Variants in IGSF10 observed in about 807,000 individuals in gnomAD.
IGSF10 encodes calvaria mechanical force protein 608.
IGSF10 carries 126 observed loss-of-function variants against 128.2 expected under a neutral mutation model. That is an observed-to-expected ratio of 0.98 (90% confidence interval 0.85 to 1.14). The LOEUF is 1.14. Among genes scored for constraint, IGSF10 ranks in the 50% most tolerant of loss-of-function variants. The probability of loss-of-function intolerance (pLI) is 0.00; values close to 1 mark genes in which losing one functional copy is unlikely to be tolerated. For missense variants in IGSF10, 3,295 were observed against 3,149.8 expected (o/e 1.05, Z -1.10); for synonymous variants, 1,185 against 1,146.2 (o/e 1.03, Z -0.68).
Position 151,438,108 on chromosome 3 carries a change from CTTG to C in IGSF10, c.6450_6452del (p.Asn2150del). On this transcript the variant is annotated inframe_deletion, in exon 8 of 8. Coordinates refer to ENST00000282466, the MANE Select transcript of IGSF10 (RefSeq NM_178822.5). ...CAGCTGTGTCTCCAGCTTTGATTCT[CTTG>C]TTGGTTTTGTTACTCTGCCTTATCC... is the stretch of plus-strand genomic sequence containing the variant. The C allele has an allele frequency of 6.2e-7, 1 of 1,614,182 alleles. No homozygotes were observed. Among genetic ancestry groups the C allele is most frequent in the Non-Finnish European group, 8.5e-7 (1 of 1,180,016 alleles).
At chr3:151,509,194 G>C in the IGSF10 span, among the ~76,000 whole-genome samples, 1 of 152,082 alleles carries the variant, frequency 6.6e-6, no homozygotes, top group African/African-American at 2.4e-5. Context: ...AAGACTGACA[G>C]GTTTATTAAA....
At chr3:151,581,851 G>A in the IGSF10 span, among the ~76,000 whole-genome samples, 7 of 152,196 alleles carry the variant, frequency 4.6e-5, no homozygotes, top group East Asian at 3.9e-4. Context: ...TGGGCGGATC[G>A]CTTGAGGCCA....
At chr3:151,615,771 G>T in the IGSF10 span, among the ~76,000 whole-genome samples, 1 of 152,076 alleles carries the variant, frequency 6.6e-6, no homozygotes, top group African/African-American at 2.4e-5. Context: ...TACAAAGGTC[G>T]AGAAGAATCC....
At chr3:151,597,212 T>G in the IGSF10 span, among the ~76,000 whole-genome samples, 1 of 152,204 alleles carries the variant, frequency 6.6e-6, no homozygotes, top group Non-Finnish European at 1.5e-5. Context: ...TGTGTAGGTG[T>G]TGTGGACACA....
Position 151,437,241 on chromosome 3 carries a change from C to A in IGSF10, c.7320G>T (p.Gly2440=), listed in dbSNP as rs757033637. 6.8e-6 allele frequency: 11 copies of A among 1,614,100 alleles called. No individual in the cohort carries two copies. In the East Asian group the frequency reaches 1.3e-4, roughly 20 times the overall value. ...QKPVILTYAP[G]TVKGISGESL... The stretch of plus-strand genomic sequence containing the variant: ...ATTCTCCACTGATGCCTTTTACTGT[C>A]CCTGGTGCATAGGTAAGAATAACTG... The change falls in exon 8 of 8, where the codon GGG becomes GGT. Residue 2440 remains glycine, a synonymous_variant. Transcript: ENST00000282466.
the IGSF10 span, among the ~76,000 whole-genome samples, chr3:151,472,803 C>A: frequency 2.6e-5 from 4 of 152,264 alleles, no homozygotes; most frequent in East Asian, 7.7e-4. Flanking sequence ...CAGACCCTCC[C>A]CATGGTTTAG....
chr3:151,506,372 CAGT>C, the IGSF10 span, among the ~76,000 whole-genome samples: 1 of 152,156 alleles, frequency 6.6e-6, no homozygotes, highest in Non-Finnish European at 1.5e-5. Context: ...AGCTAAAAAA[CAGT>C]AGGTAAGTTA....
chr3:151,499,343 A>T, the IGSF10 span, among the ~76,000 whole-genome samples: 5 of 152,194 alleles, frequency 3.3e-5, no homozygotes, highest in African/African-American at 1.2e-4. Flanking sequence ...TCAGTTTGGC[A>T]TTGGCAGGGA....
At chr3:151,515,362 G>C in the IGSF10 span, among the ~76,000 whole-genome samples, 1 of 149,660 alleles carries the variant, frequency 6.7e-6, no homozygotes, top group African/African-American at 2.5e-5. Flanking sequence ...GCAAACTATC[G>C]CAAGGACAGA....
chr3:151,519,025 A>G, the IGSF10 span, among the ~76,000 whole-genome samples: 1 of 151,950 alleles, frequency 6.6e-6, no homozygotes. Context: ...AACTAGCAGA[A>G]TACTTAAAAA....
upstream of IGSF10, among the ~76,000 whole-genome samples, chr3:151,465,584 A>G (rs1256435806): frequency 3.3e-5 from 5 of 152,218 alleles, no homozygotes; most frequent in Non-Finnish European, 7.3e-5. Context: ...TTACTTTACT[A>G]TATAACATAT....
At chr3:151,541,224 A>G in the IGSF10 span, among the ~76,000 whole-genome samples, 1 of 152,208 alleles carries the variant, frequency 6.6e-6, no homozygotes, top group South Asian at 2.1e-4. Flanking sequence ...TTGACTGTCC[A>G]CAGTTATCTA....
At chr3:151,589,905 T>C in the IGSF10 span, among the ~76,000 whole-genome samples, 1 of 152,226 alleles carries the variant, frequency 6.6e-6, no homozygotes, top group Non-Finnish European at 1.5e-5. Context: ...GATGTGTTTT[T>C]TAGAATGTCT....
At chr3:151,473,319 A>G in the IGSF10 span, among the ~76,000 whole-genome samples, 24 of 152,340 alleles carry the variant, frequency 1.6e-4, no homozygotes, top group African/African-American at 5.8e-4. Flanking sequence ...GTTCCCAGTG[A>G]GAATCACCCT....
At position 151,446,965 on chromosome 3, in the gene IGSF10, G is replaced by A; in HGVS notation, c.3016C>T (p.Leu1006=). 5 of 1,614,200 alleles carry A rather than the reference G, an allele frequency of 3.1e-6. No homozygotes were observed. The highest frequency in any genetic ancestry group is 4.2e-6 in the Non-Finnish European group (5 of 1,180,028). The part of the protein sequence containing the change: ...IPRNSTVNIP[L]FRRFGRQRKI... ...CTCTGCCTCCCAAAGCGTCTGAACA[G>A]CGGGATGTTAACTGTACTATTTCTA... Residue 1006 remains leucine, a synonymous_variant, in exon 6 of 8, where the codon CTG becomes TTG. Coordinates refer to ENST00000282466, the MANE Select transcript of IGSF10 (RefSeq NM_178822.5).
chr3:151,477,583 G>A, the IGSF10 span, among the ~76,000 whole-genome samples: 2 of 152,120 alleles, frequency 1.3e-5, no homozygotes, highest in Non-Finnish European at 2.9e-5. Context: ...ACATGTATTA[G>A]GAAATTATGA....
the IGSF10 span, among the ~76,000 whole-genome samples, chr3:151,497,126 G>T: frequency 1.3e-5 from 2 of 152,240 alleles, no homozygotes; most frequent in African/African-American, 4.8e-5. Flanking sequence ...TCTGTAGGTT[G>T]CCTGTTCATT....
At chr3:151,581,288 G>T in the IGSF10 span, among the ~76,000 whole-genome samples, 5 of 152,138 alleles carry the variant, frequency 3.3e-5, no homozygotes, top group African/African-American at 1.2e-4. Flanking sequence ...ACAGAAATCA[G>T]CAGTTCTCAC....
In IGSF10 at chr3:151,453,753, T is replaced by C. The variant is rs370577610; in HGVS notation, c.346A>G (p.Lys116Glu). 17 of 1,561,036 alleles carry C rather than the reference T, an allele frequency of 1.1e-5. No individual in the cohort carries two copies. In the African/African-American group the frequency reaches 1.5e-4, roughly 14 times the overall value. ...ALQVLKMSYNKVRKLQKDTFY... is the reference protein window; with the variant it reads ...ALQVLKMSYNEVRKLQKDTFY... ...GTATCTTTCTGAAGTTTTCGGACTTTATTATAGCTCATTTTTAAGACCTAT... is the reference window on the plus strand; with the variant it reads ...GTATCTTTCTGAAGTTTTCGGACTTCATTATAGCTCATTTTTAAGACCTAT... The change falls in exon 5 of 8, where the codon AAA (lysine) becomes GAA (glutamate). Residue 116 changes from lysine (K) to glutamate (E), a missense_variant. By Grantham distance (56) the Lys-to-Glu change is moderately conservative. Coordinates refer to ENST00000282466, the MANE Select transcript of IGSF10 (RefSeq NM_178822.5).
Sources: gnomAD v4.1 joint callset for allele counts (sites outside exome capture counted in the v4.1 genomes callset) on GRCh38, gnomAD v4.1.1 for gene constraint, MANE v1.5 for transcripts, NCBI Gene and HGNC (gene_info 2026-07-23, HGNC 2026-07-21) for gene names.